Variants in UBAC2 observed in about 807,000 individuals in gnomAD.
The protein encoded by UBAC2 is UBA domain containing 2, also known as ubiquitin-associated domain-containing protein 2.
UBAC2 carries 26 observed loss-of-function variants against 44.0 expected under a neutral mutation model. The ratio of observed to expected loss-of-function variants is 0.59; its 90% confidence interval spans 0.43 to 0.82. UBAC2 has a LOEUF of 0.82. Among genes scored for constraint, UBAC2 ranks in the 40% least tolerant of loss-of-function variants. UBAC2 has a pLI of 0.00. For missense variants in UBAC2, 329 were observed against 419.4 expected (o/e 0.78, Z 1.88); for synonymous variants, 155 against 154.3 (o/e 1.00, Z -0.04).
At chr13:99,378,289 G>A (rs2138923226) in intron 8 of UBAC2, among the ~76,000 whole-genome samples, 1 of 152,320 alleles carries the variant, frequency 6.6e-6, no homozygotes, top group Non-Finnish European at 1.5e-5. Flanking sequence ...CAAGTTGGGA[G>A]GCCGAGGTGG....
At chr13:99,341,524 ACATG>A (rs1028751995) in intron 7 of UBAC2, among the ~76,000 whole-genome samples, 1 of 152,204 alleles carries the variant, frequency 6.6e-6, no homozygotes, top group African/African-American at 2.4e-5. Flanking sequence ...TGACTCTGGA[ACATG>A]CCATAAAGAT....
chr13:99,230,362 A>G (rs909954133), intron 1 of UBAC2, among the ~76,000 whole-genome samples: 1 of 152,060 alleles, frequency 6.6e-6, no homozygotes, highest in African/African-American at 2.4e-5. Context: ...GCTGCTTGGG[A>G]GGCTGAGGGA....
chr13:99,280,636 ACT>A (rs1408311946), intron 4 of UBAC2, among the ~76,000 whole-genome samples: 7 of 151,676 alleles, frequency 4.6e-5, no homozygotes. Context: ...GCAGGATCTT[ACT>A]CTCTCTTACA....
intron 8 of UBAC2, 63 bp downstream of exon 8, chr13:99,367,969 G>A (rs1041003353): frequency 3.3e-5 from 52 of 1,570,936 alleles, no homozygotes; most frequent in South Asian, 5.8e-5. Context: ...AAGCAGTTTC[G>A]ATCAACAGGA....
At chr13:99,205,404 C>T (rs550716688) in intron 1 of UBAC2, among the ~76,000 whole-genome samples, 4 of 152,178 alleles carry the variant, frequency 2.6e-5, no homozygotes, top group South Asian at 4.1e-4. Flanking sequence ...GGTCACGGAG[C>T]GGTGGTTGTC....
chr13:99,283,149 C>T (rs2043975027), intron 4 of UBAC2, among the ~76,000 whole-genome samples: 2 of 152,150 alleles, frequency 1.3e-5, no homozygotes, highest in Admixed American at 6.5e-5. Flanking sequence ...GTTCTCTCTC[C>T]TAAAATTATT....
intron 4 of UBAC2, among the ~76,000 whole-genome samples, chr13:99,265,356 C>T (rs1392924405): frequency 6.6e-6 from 1 of 152,188 alleles, no homozygotes; most frequent in African/African-American, 2.4e-5. Context: ...GCAGGACCAC[C>T]CTGAGACCCA....
At chr13:99,223,171 T>C (rs1566453994) in intron 1 of UBAC2, among the ~76,000 whole-genome samples, 1 of 152,198 alleles carries the variant, frequency 6.6e-6, no homozygotes, top group African/African-American at 2.4e-5. Context: ...TTAGTTGTGA[T>C]AAGACATTTT....
chr13:99,293,194 T>C (rs1476201933), intron 4 of UBAC2, among the ~76,000 whole-genome samples: 7 of 152,220 alleles, frequency 4.6e-5, no homozygotes, highest in Non-Finnish European at 1.0e-4. Flanking sequence ...ATTTGTGGTA[T>C]AGTGGAGGGA....
At chr13:99,341,242 C>T (rs1210183091) in intron 7 of UBAC2, among the ~76,000 whole-genome samples, 1 of 152,182 alleles carries the variant, frequency 6.6e-6, no homozygotes, top group African/African-American at 2.4e-5. Context: ...TTCGCCTCCA[C>T]CTTCTTTACC....
chr13:99,340,221 T>C, intron 6 of UBAC2, 99 bp from the exon 7 acceptor site: 1 of 1,351,558 alleles, frequency 7.4e-7, no homozygotes, highest in Non-Finnish European at 1.0e-6. Flanking sequence ...CTAAGAAAAA[T>C]ACCGTGTGCA....
chr13:99,215,468 A>G (rs2042981481), intron 1 of UBAC2: 5 of 1,397,524 alleles, frequency 3.6e-6, no homozygotes, highest in East Asian at 2.3e-5. Flanking sequence ...TGAGAATCCA[A>G]TTCTTCATCT....
At chr13:99,208,142 C>G (rs1164795528) in intron 1 of UBAC2, among the ~76,000 whole-genome samples, 1 of 151,942 alleles carries the variant, frequency 6.6e-6, no homozygotes, top group Non-Finnish European at 1.5e-5. Flanking sequence ...GGATTACAGG[C>G]GTGTACCACC....
chr13:99,265,753 C>T (rs2043735735), intron 4 of UBAC2, among the ~76,000 whole-genome samples: 1 of 152,084 alleles, frequency 6.6e-6, no homozygotes, highest in African/African-American at 2.4e-5. Context: ...AAGGTTATGC[C>T]ATGTCTCAAA....
chr13:99,230,113 C>G (rs2043155785), intron 1 of UBAC2, among the ~76,000 whole-genome samples: 1 of 152,170 alleles, frequency 6.6e-6, no homozygotes, highest in South Asian at 2.1e-4. Context: ...ATGATAATCA[C>G]TATTTTAGTG....
intron 1 of UBAC2, among the ~76,000 whole-genome samples, chr13:99,227,549 A>G (rs1488331182): frequency 6.6e-6 from 1 of 152,190 alleles, no homozygotes; most frequent in Non-Finnish European, 1.5e-5. Flanking sequence ...CAGTCCTACC[A>G]TGTGTTTGGG....
chr13:99,218,531 C>A (rs1020004809), intron 1 of UBAC2, among the ~76,000 whole-genome samples: 23 of 149,778 alleles, frequency 1.5e-4, no homozygotes, highest in African/African-American at 5.4e-4. Context: ...TTAGCACTTT[C>A]TCCTGCTTAT....
intron 6 of UBAC2, among the ~76,000 whole-genome samples, chr13:99,320,711 T>C (rs867593642): frequency 1.3e-5 from 2 of 152,242 alleles, no homozygotes; most frequent in Non-Finnish European, 2.9e-5. Context: ...AAATTCTCAT[T>C]TTTATTATGA....
At chr13:99,365,800 G>C (rs2045322675) in intron 7 of UBAC2, among the ~76,000 whole-genome samples, 1 of 151,916 alleles carries the variant, frequency 6.6e-6, no homozygotes, top group Non-Finnish European at 1.5e-5. Flanking sequence ...ATTATTTTTT[G>C]TCTGGTTGAT....
Sources: allele counts gnomAD v4.1 joint callset (sites outside exome capture counted in the v4.1 genomes callset), GRCh38; gene constraint gnomAD v4.1.1; transcripts MANE v1.5; gene names NCBI Gene and HGNC (gene_info 2026-07-23, HGNC 2026-07-21).